Variants in LYPLAL1 observed in about 807,000 individuals in gnomAD.
LYPLAL1 encodes the protein lysophospholipase-like protein 1.
In LYPLAL1, 23 loss-of-function variants were observed where a neutral mutation model predicts 19.7. The ratio of observed to expected loss-of-function variants is 1.17; its 90% CI spans 0.84 to 1.65. The LOEUF (loss-of-function observed/expected upper bound fraction) is 1.65. LYPLAL1 is among the 40% of genes most tolerant of loss of function. The probability of loss-of-function intolerance (pLI) is 0.00; values close to 1 mark genes in which losing one functional copy is unlikely to be tolerated. For synonymous variants in LYPLAL1, 119 were observed against 96.3 expected (o/e 1.24, Z -1.38); for missense variants, 355 against 279.4 (o/e 1.27, Z -1.93).
At chr1:219,365,743 T>G in the LYPLAL1 span, among the ~76,000 whole-genome samples, 4 of 152,248 alleles carry the variant, frequency 2.6e-5, no homozygotes, top group South Asian at 8.3e-4. Context: ...CCATGATATA[T>G]GGGAATCGGG....
the LYPLAL1 span, among the ~76,000 whole-genome samples, chr1:219,350,621 A>G: frequency 6.6e-6 from 1 of 152,208 alleles, no homozygotes; most frequent in Admixed American, 6.5e-5. Context: ...TTGGAGAATG[A>G]AGTAGAGGCA....
In LYPLAL1 at chr1:219,196,747, ACT is replaced by A. The variant is rs533205919; in HGVS notation, c.361+3499_361+3500del. 3.3e-5 allele frequency among the ~76,000 whole-genome samples: 5 copies of A among 152,140 alleles called. 1 individual carries two copies. The highest frequency in any genetic ancestry group is 1.2e-4 in the African/African-American group (5 of 41,494). ...AATGACATGATCCAATATCTAGAAA[ACT>A]CTATCGTTTCAGCCCCAAAGCTTCT... On this transcript the variant is annotated intron_variant, in intron 3 of 4. Transcript: ENST00000366928.
chr1:219,255,760 T>C, the LYPLAL1 span, among the ~76,000 whole-genome samples: 2 of 151,932 alleles, frequency 1.3e-5, no homozygotes, highest in African/African-American at 4.8e-5. Context: ...TAAGAAAGTT[T>C]CCTTTCATTC....
the LYPLAL1 span, among the ~76,000 whole-genome samples, chr1:219,258,899 A>T: frequency 6.6e-6 from 1 of 152,084 alleles, no homozygotes; most frequent in Non-Finnish European, 1.5e-5. Flanking sequence ...TTCAGAATCT[A>T]CAAGGATTTC....
At chr1:219,299,517 G>A in the LYPLAL1 span, among the ~76,000 whole-genome samples, 10 of 152,112 alleles carry the variant, frequency 6.6e-5, no homozygotes, top group East Asian at 5.8e-4. Context: ...AATAGGTAAC[G>A]GGGTGGTGTT....
chr1:219,186,219 T>G (rs1417771828), intron 2 of LYPLAL1, among the ~76,000 whole-genome samples: 1 of 151,774 alleles, frequency 6.6e-6, no homozygotes, highest in Non-Finnish European at 1.5e-5. Flanking sequence ...TCCTGTATGA[T>G]TTTCTTCTTT....
intron 4 of LYPLAL1, among the ~76,000 whole-genome samples, 153 bp downstream of exon 4, chr1:219,210,800 C>T (rs1054636694): frequency 1.5e-4 from 23 of 152,004 alleles, no homozygotes; most frequent in Non-Finnish European, 2.1e-4. Context: ...CCAAATGAGT[C>T]GTAGTGATTA....
the LYPLAL1 span, among the ~76,000 whole-genome samples, chr1:219,267,318 C>T: frequency 6.6e-6 from 1 of 151,984 alleles, no homozygotes; most frequent in East Asian, 1.9e-4. Context: ...GTACATTTTC[C>T]CAAAGAGCTA....
the LYPLAL1 span, chr1:219,270,823 T>C: frequency 6.6e-6 from 1 of 152,194 alleles, no homozygotes. Context: ...CTCTGTTGCC[T>C]TACTATCTGC....
chr1:219,336,701 C>T, the LYPLAL1 span, among the ~76,000 whole-genome samples: 410 of 152,062 alleles, frequency 2.7e-3, 1 homozygote, highest in Non-Finnish European at 5.0e-3. Flanking sequence ...GTAATGATAT[C>T]AAAGTGTCCA....
At chr1:219,269,556 A>G in the LYPLAL1 span, among the ~76,000 whole-genome samples, 6 of 152,334 alleles carry the variant, frequency 3.9e-5, no homozygotes, top group Non-Finnish European at 7.3e-5. Flanking sequence ...GGACATTTCA[A>G]TGGCCACATT....
At chr1:219,297,557 G>A in the LYPLAL1 span, among the ~76,000 whole-genome samples, 1 of 152,216 alleles carries the variant, frequency 6.6e-6, no homozygotes, top group African/African-American at 2.4e-5. Flanking sequence ...TAGGCTCTTA[G>A]TCTTGAGAAA....
the LYPLAL1 span, among the ~76,000 whole-genome samples, chr1:219,261,607 C>A: frequency 6.6e-6 from 1 of 152,160 alleles, no homozygotes; most frequent in Admixed American, 6.5e-5. Context: ...AATACTTTAT[C>A]TCTCCTTCGT....
the LYPLAL1 span, among the ~76,000 whole-genome samples, chr1:219,229,104 A>G: frequency 3.9e-5 from 6 of 151,992 alleles, no homozygotes; most frequent in African/African-American, 1.4e-4. Context: ...AATTTGCCTA[A>G]AGTCACCTGC....
chr1:219,313,313 T>G, the LYPLAL1 span, among the ~76,000 whole-genome samples: 112 of 152,194 alleles, frequency 7.4e-4, no homozygotes, highest in African/African-American at 2.5e-3. Context: ...GGGTTTGTCT[T>G]AAACAAATAG....
chr1:219,186,992 A>G (rs1236780737), intron 2 of LYPLAL1, among the ~76,000 whole-genome samples: 1 of 150,352 alleles, frequency 6.7e-6, no homozygotes, highest in East Asian at 1.9e-4. Flanking sequence ...AGGGATTATG[A>G]TATACATAGC....
At chr1:219,199,296 T>C (rs1488249103) in intron 3 of LYPLAL1, among the ~76,000 whole-genome samples, 2 of 152,226 alleles carry the variant, frequency 1.3e-5, no homozygotes, top group African/African-American at 4.8e-5. Context: ...AGAAGTATTA[T>C]TCTGTTCATG....
At chr1:219,220,654 G>A in the LYPLAL1 span, among the ~76,000 whole-genome samples, 63 of 152,304 alleles carry the variant, frequency 4.1e-4, no homozygotes, top group African/African-American at 1.5e-3. Context: ...GGAAGGTACA[G>A]CCAGACATGA....
At chr1:219,407,814 A>G in the LYPLAL1 span, among the ~76,000 whole-genome samples, 13 of 152,132 alleles carry the variant, frequency 8.5e-5, no homozygotes, top group African/African-American at 3.1e-4. Context: ...TGGGAAGCCC[A>G]CCATTAAGAC....
Sources: gnomAD v4.1 joint callset for allele counts (sites outside exome capture counted in the v4.1 genomes callset) on GRCh38, gnomAD v4.1.1 for gene constraint, MANE v1.5 for transcripts, NCBI Gene and HGNC (gene_info 2026-07-23, HGNC 2026-07-21) for gene names.